DUSP13B: variants seen among roughly 807,000 people sequenced by gnomAD.
DUSP13B encodes the protein dual specificity protein phosphatase 13B.
chr10:75,105,604 G>T, the DUSP13B span: 1 of 1,457,724 alleles, frequency 6.9e-7, no homozygotes, highest in Non-Finnish European at 9.4e-7. Context: ...TGCAGCCTAG[G>T]CCCTCACCTG....
At chr10:75,100,078 C>T in the DUSP13B span, among the ~76,000 whole-genome samples, 1 of 152,078 alleles carries the variant, frequency 6.6e-6, no homozygotes, top group Non-Finnish European at 1.5e-5. Flanking sequence ...GGACAGGCTC[C>T]GGGCTCAGGC....
chr10:75,106,586 C>T, the DUSP13B span, among the ~76,000 whole-genome samples: 2 of 152,208 alleles, frequency 1.3e-5, no homozygotes, highest in African/African-American at 2.4e-5. Context: ...CCCACCTTCC[C>T]GATCCTCTGG....
At chr10:75,109,069 G>GC in the DUSP13B span, 1 of 1,612,272 alleles carries the variant, frequency 6.2e-7, no homozygotes, top group Middle Eastern at 1.7e-4. Context: ...AGACTTCCCT[G>GC]CCCGCAGGAG....
chr10:75,099,124 C>T, the DUSP13B span: 10 of 1,232,142 alleles, frequency 8.1e-6, no homozygotes, highest in South Asian at 8.2e-5. Context: ...AGGGACCCTG[C>T]GGAGCTGGAT....
chr10:75,108,747 G>T, the DUSP13B span, among the ~76,000 whole-genome samples: 2 of 152,084 alleles, frequency 1.3e-5, no homozygotes, highest in South Asian at 4.1e-4. Context: ...CTCTACACTT[G>T]ACAGTTGTCC....
chr10:75,100,424 C>T, the DUSP13B span, among the ~76,000 whole-genome samples: 41 of 152,326 alleles, frequency 2.7e-4, no homozygotes, highest in East Asian at 2.7e-3. Context: ...CGGCCACCCC[C>T]CCAGGGACTC....
chr10:75,097,749 T>C, the DUSP13B span: 1 of 1,612,788 alleles, frequency 6.2e-7, no homozygotes, highest in Non-Finnish European at 8.5e-7. Flanking sequence ...ACCTCATCGA[T>C]ATGGTTCAGT....
At chr10:75,098,912 CT>C in the DUSP13B span, 1 of 1,172,466 alleles carries the variant, frequency 8.5e-7, no homozygotes, top group Non-Finnish European at 1.1e-6. Context: ...ATCCCCAAGC[CT>C]TTCAGTTACC....
At chr10:75,096,476 CT>C in the DUSP13B span, among the ~76,000 whole-genome samples, 495 of 151,352 alleles carry the variant, frequency 3.3e-3, no homozygotes, top group African/African-American at 9.7e-3. Context: ...ACTTGGGAGG[CT>C]GAGGTGGGAG....
chr10:75,103,315 C>T, the DUSP13B span, among the ~76,000 whole-genome samples: 14 of 152,226 alleles, frequency 9.2e-5, no homozygotes, highest in Non-Finnish European at 1.8e-4. Context: ...ACCTAGAAGA[C>T]TCAGGCTGAG....
the DUSP13B span, chr10:75,099,295 G>A: frequency 8.1e-7 from 1 of 1,232,330 alleles, no homozygotes; most frequent in Non-Finnish European, 1.0e-6. Context: ...AAAAGAAACA[G>A]GCACCCAGGA....
chr10:75,096,768 A>T, the DUSP13B span, among the ~76,000 whole-genome samples: 29 of 152,292 alleles, frequency 1.9e-4, no homozygotes, highest in East Asian at 4.6e-3. Context: ...TAAAAATTTT[A>T]AAATGAAATA....
the DUSP13B span, chr10:75,099,761 G>C: frequency 4.3e-6 from 1 of 230,438 alleles, no homozygotes; most frequent in Non-Finnish European, 8.3e-6. Context: ...AGGGAGGAGA[G>C]CCTGGCTCCC....
chr10:75,101,304 G>A, the DUSP13B span, among the ~76,000 whole-genome samples: 1 of 152,212 alleles, frequency 6.6e-6, no homozygotes, highest in South Asian at 2.1e-4. Context: ...ACCTCCCACA[G>A]GGTCTGTCTT....
the DUSP13B span, chr10:75,105,603 G>A: frequency 6.9e-7 from 1 of 1,456,658 alleles, no homozygotes; most frequent in Non-Finnish European, 9.4e-7. Flanking sequence ...CTGCAGCCTA[G>A]GCCCTCACCT....
At chr10:75,108,157 G>A in the DUSP13B span, 1 of 1,612,722 alleles carries the variant, frequency 6.2e-7, no homozygotes. Context: ...GCGGCGTTCA[G>A]CACGTGGGTG....
the DUSP13B span, among the ~76,000 whole-genome samples, chr10:75,096,380 C>T: frequency 6.6e-6 from 1 of 152,014 alleles, no homozygotes; most frequent in African/African-American, 2.4e-5. Context: ...AGTTCGAGAC[C>T]AGCCTGGGCA....
At chr10:75,104,725 TCA>T in the DUSP13B span, among the ~76,000 whole-genome samples, 1 of 152,160 alleles carries the variant, frequency 6.6e-6, no homozygotes, top group Non-Finnish European at 1.5e-5. Flanking sequence ...AAGTTTCTTA[TCA>T]CAGTCACCCC....
chr10:75,104,131 G>A, the DUSP13B span: 1 of 1,305,888 alleles, frequency 7.7e-7, no homozygotes, highest in South Asian at 1.2e-5. Flanking sequence ...TTACAGGCAG[G>A]TGAACCAAGG....
Sources: gnomAD v4.1 joint callset for allele counts (sites outside exome capture counted in the v4.1 genomes callset) on GRCh38, gnomAD v4.1.1 for gene constraint, MANE v1.5 for transcripts, NCBI Gene and HGNC (gene_info 2026-07-23, HGNC 2026-07-21) for gene names.